Variants in RANGAP1 observed in about 807,000 individuals in gnomAD.
RANGAP1 encodes ran GTPase-activating protein 1.
In RANGAP1, 38 loss-of-function variants were observed where a neutral mutation model predicts 63.5. The ratio of observed to expected loss-of-function variants is 0.60; its 90% CI spans 0.46 to 0.78. RANGAP1 has a LOEUF of 0.78. Ranked by LOEUF, RANGAP1 falls within the 30% of genes least tolerant of loss-of-function variation. The pLI is 0.00. For missense variants in RANGAP1, 630 were observed against 740.3 expected, an observed-to-expected ratio of 0.85 and a Z score of 1.73; for synonymous variants, 329 against 310.5, an observed-to-expected ratio of 1.06 and a Z score of -0.63.
At chr22:41,297,846 A>G in the RANGAP1 span, among the ~76,000 whole-genome samples, 1 of 149,316 alleles carries the variant, frequency 6.7e-6, no homozygotes, top group South Asian at 2.1e-4. Context: ...GCACACCACC[A>G]CGCCCAGCTA....
chr22:41,293,458 T>C, the RANGAP1 span, among the ~76,000 whole-genome samples: 2 of 151,654 alleles, frequency 1.3e-5, no homozygotes, highest in Non-Finnish European at 2.9e-5. Context: ...CAATAATCTG[T>C]TTAGTATAAA....
At chr22:41,252,837 C>T in intron 12 of RANGAP1, 35 bp downstream of exon 12, 1 of 1,531,048 alleles carries the variant, frequency 6.5e-7, no homozygotes, top group Non-Finnish European at 8.8e-7. Context: ...GAAGCCACAG[C>T]ACGTACAGCG....
At chr22:41,272,812 CT>C (rs951444521) in intron 3 of RANGAP1, among the ~76,000 whole-genome samples, 5 of 148,138 alleles carry the variant, frequency 3.4e-5, no homozygotes, top group South Asian at 2.1e-4. Flanking sequence ...CCAGGCCCGG[CT>C]TTTTTTTTTC....
chr22:41,246,386 G>T lies in RANGAP1; in HGVS notation c.*217C>A. On this transcript the variant is annotated 3_prime_UTR_variant, in exon 16 of 16. Coordinates refer to ENST00000356244, the MANE Select transcript of RANGAP1 (RefSeq NM_002883.4). ...ACAACAGAGCAGGGCTGGGCCAGCA[G>T]AAGACGTTAAAACCCAAATCCCGAC... The T allele has an allele frequency of 1.9e-6, 1 of 520,696 alleles. No individual in the cohort carries two copies. Among genetic ancestry groups the T allele is most frequent in the Non-Finnish European group, 3.5e-6 (1 of 288,924 alleles). The allele number at this position is 520,696 out of a possible 1,614,324, so 32.3% of individuals were successfully genotyped here. A position where few individuals can be genotyped will look rare whatever the true frequency, so the allele number is the denominator to read the frequency against.
intron 8 of RANGAP1, 123 bp downstream of exon 8, chr22:41,256,588 C>G: frequency 2.4e-6 from 2 of 819,742 alleles, no homozygotes; most frequent in South Asian, 3.4e-5. Flanking sequence ...ATCACAGGGC[C>G]CGAAGTGGAG....
chr22:41,274,705 A>G lies in RANGAP1; in HGVS notation c.135T>C (p.Ile45=). The G allele has an allele frequency of 6.2e-7, 1 of 1,614,192 alleles. No individual in the cohort carries two copies. Among genetic ancestry groups the G allele is most frequent in the Non-Finnish European group, 8.5e-7 (1 of 1,180,036 alleles). Residue 45 remains isoleucine, a synonymous_variant, in exon 3 of 16, where the codon ATT becomes ATC. Coordinates refer to ENST00000356244, the MANE Select transcript of RANGAP1 (RefSeq NM_002883.4). ...GAGCCTCCAAGCTGTCAAAGTCTTC[A>G]ATCTCTTTAATCACATCTTTAGCTG... ...AEDAKDVIKE[I]EDFDSLEALR... is the part of the protein sequence containing the mutation.
chr22:41,256,382 T>C, intron 8 of RANGAP1, 92 bp from the exon 9 acceptor site: 1 of 1,285,316 alleles, frequency 7.8e-7, no homozygotes, highest in African/African-American at 1.5e-5. Flanking sequence ...AGTGAGGATA[T>C]GGCAGGCTCT....
chr22:41,285,565 G>A (rs2035710037), intron 1 of RANGAP1: 2 of 985,342 alleles, frequency 2.0e-6, no homozygotes, highest in South Asian at 9.4e-5. Flanking sequence ...GGACAGCGGC[G>A]CCAGCCCGGG....
chr22:41,278,776 G>C (rs150939445), intron 2 of RANGAP1, among the ~76,000 whole-genome samples: 1 of 152,208 alleles, frequency 6.6e-6, no homozygotes, highest in African/African-American at 2.4e-5. Flanking sequence ...CAAAGTGGGC[G>C]GATCACCTGA....
chr22:41,256,843 G>C lies in RANGAP1; in HGVS notation c.775-19C>G. 1.2e-6 allele frequency: 2 copies of C among 1,602,088 alleles called. No homozygotes were observed. The highest frequency in any genetic ancestry group is 1.7e-6 in the Non-Finnish European group (2 of 1,169,892). On this transcript the variant is annotated intron_variant, in intron 7 of 15. Transcript: ENST00000356244. ...TCAAGGTCTGTGAGGGGGAAGCAAG[G>C]GTCCAGAGTGAGGGTGCAGACCACA...
intron 3 of RANGAP1, among the ~76,000 whole-genome samples, chr22:41,273,150 G>A (rs573547828): frequency 6.6e-6 from 1 of 152,162 alleles, no homozygotes; most frequent in African/African-American, 2.4e-5. Context: ...ACTTATAAAT[G>A]GAGACTCAAC....
intron 15 of RANGAP1, 49 bp downstream of exon 15, chr22:41,249,281 G>A (rs1233003502): frequency 6.5e-7 from 1 of 1,544,756 alleles, no homozygotes; most frequent in East Asian, 2.3e-5. Context: ...GACCTGGCCA[G>A]AGAAGCCCGA....
intron 3 of RANGAP1, among the ~76,000 whole-genome samples, chr22:41,273,548 A>C (rs1295876636): frequency 1.3e-4 from 19 of 151,912 alleles, no homozygotes; most frequent in Admixed American, 1.2e-3. Context: ...CAGACAAATC[A>C]CAAGGTCAGG....
chr22:41,278,829 C>T (rs2035309766), intron 2 of RANGAP1, among the ~76,000 whole-genome samples: 1 of 152,236 alleles, frequency 6.6e-6, no homozygotes, highest in African/African-American at 2.4e-5. Flanking sequence ...GGCAAAACCC[C>T]GTCTCTACTA....
At chr22:41,277,973 C>T (rs1297089448) in intron 2 of RANGAP1, among the ~76,000 whole-genome samples, 1 of 151,684 alleles carries the variant, frequency 6.6e-6, no homozygotes, top group South Asian at 2.1e-4. Flanking sequence ...GGAGACACCA[C>T]ATTCAGCCTG....
intron 3 of RANGAP1, among the ~76,000 whole-genome samples, chr22:41,271,897 G>T (rs1448244292): frequency 6.6e-6 from 1 of 152,204 alleles, no homozygotes; most frequent in African/African-American, 2.4e-5. Context: ...CCCTGCCCCT[G>T]CCCTGGGCTG....
intron 15 of RANGAP1, among the ~76,000 whole-genome samples, chr22:41,246,928 T>G (rs1432595876): frequency 6.6e-6 from 1 of 152,212 alleles, no homozygotes; most frequent in Non-Finnish European, 1.5e-5. Context: ...CCAAGGGCCC[T>G]TCCAGCAGAC....
chr22:41,293,108 G>C, the RANGAP1 span, among the ~76,000 whole-genome samples: 1 of 151,398 alleles, frequency 6.6e-6, no homozygotes, highest in Non-Finnish European at 1.5e-5. Flanking sequence ...GTTGGCGGGC[G>C]CCTGTAGTCC....
upstream of RANGAP1, among the ~76,000 whole-genome samples, chr22:41,287,414 G>C (rs934411309): frequency 8.7e-6 from 1 of 115,000 alleles, no homozygotes; most frequent in Non-Finnish European, 1.8e-5. Flanking sequence ...TTTCACTCTT[G>C]TTGCCCATCT....
Sources: gnomAD v4.1 joint callset for allele counts (sites outside exome capture counted in the v4.1 genomes callset) on GRCh38, gnomAD v4.1.1 for gene constraint, MANE v1.5 for transcripts, NCBI Gene and HGNC (gene_info 2026-07-23, HGNC 2026-07-21) for gene names.